The following SH3TC2 variants were observed in gnomAD, a reference collection of about 807,000 sequenced individuals.
SH3TC2 encodes the protein SH3 domain and tetratricopeptide repeat-containing protein 2.
Under a neutral mutation model 124.5 loss-of-function variants are expected in SH3TC2, and 87 were observed. The observed-to-expected ratio is 0.70, with a 90% CI of 0.59 to 0.84. The LOEUF (loss-of-function observed/expected upper bound fraction) is 0.84, where lower values mean the gene tolerates loss of function less well. SH3TC2 is among the 40% of genes least tolerant of loss of function. SH3TC2 has a pLI of 0.00. For synonymous variants in SH3TC2, 634 were observed against 628.5 expected, an observed-to-expected ratio of 1.01 and a Z score of -0.13; for missense variants, 1,536 against 1,566.4, an observed-to-expected ratio of 0.98 and a Z score of 0.33.
At position 149,000,520 on chromosome 5, in the gene SH3TC2, T is replaced by G. The variant is rs1185550309; in HGVS notation, c.*4191A>C. Among the ~76,000 whole-genome samples the G allele has an allele frequency of 6.6e-6, 1 of 152,288 alleles. No homozygotes were observed. The highest frequency in any genetic ancestry group is 1.5e-5 in the Non-Finnish European group (1 of 68,052). ...CTGTTTATGGAAAACAATACAAGTT[T>G]TTCTTCTATATAGACTAGTCATCCC... is the stretch of plus-strand genomic sequence containing the variant. On this transcript the variant is annotated 3_prime_UTR_variant, in exon 17 of 17. Coordinates refer to ENST00000515425, the MANE Select transcript of SH3TC2 (RefSeq NM_024577.4).
In SH3TC2 at chr5:148,988,730, A is replaced by G. The variant is rs1382538060; in HGVS notation, c.*15981T>C. Among the ~76,000 whole-genome samples the G allele has an allele frequency of 6.6e-6, 1 of 152,232 alleles. No individual in the cohort carries two copies. Among genetic ancestry groups the G allele is most frequent in the Non-Finnish European group, 1.5e-5 (1 of 68,048 alleles). On this transcript the variant is annotated 3_prime_UTR_variant, in exon 17 of 17. Transcript: ENST00000515425. ...GACTGCAACAACAGTAGAGAACCCA[A>G]GCGAGAATTGCCCGGGTGAGCCCAG...
chr5:149,008,565 G>T, intron 15 of SH3TC2: 1 of 505,716 alleles, frequency 2.0e-6, no homozygotes, highest in Non-Finnish European at 3.6e-6. Flanking sequence ...ACTTACCAAG[G>T]ACTTACCATG....
intron 14 of SH3TC2, 123 bp downstream of exon 14, chr5:149,010,147 A>G (rs1439434473): frequency 7.2e-7 from 1 of 1,395,696 alleles, no homozygotes; most frequent in African/African-American, 1.4e-5. Flanking sequence ...GCACTGGACA[A>G]GAAAGAGAGA....
chr5:149,060,017 C>G (rs1383474049), intron 1 of SH3TC2, among the ~76,000 whole-genome samples: 1 of 152,144 alleles, frequency 6.6e-6, no homozygotes, highest in Non-Finnish European at 1.5e-5. Flanking sequence ...AAAAGTGAAG[C>G]ATCATTTACT....
In SH3TC2 at chr5:149,056,063, AT is replaced by A. The variant is rs199677573; in HGVS notation, c.53-3824del. On this transcript the variant is annotated intron_variant, in intron 1 of 16. Transcript: ENST00000515425. ...ATGCACAATTCTATATAAATGGTAA[AT>A]TTTTTTTAATCCTCTTAAAGCCTTT... Among the ~76,000 whole-genome samples the A allele has an allele frequency of 2.8e-3, 419 of 152,144 alleles. 1 individual carries two copies. Among genetic ancestry groups the A allele is most frequent in the Non-Finnish European group, 4.8e-3 (328 of 67,986 alleles).
At chr5:149,053,786 T>C (rs1487319191) in intron 1 of SH3TC2, among the ~76,000 whole-genome samples, 1 of 152,136 alleles carries the variant, frequency 6.6e-6, no homozygotes, top group Non-Finnish European at 1.5e-5. Flanking sequence ...CCTATTTGAA[T>C]CATCTAGGTT....
At chr5:149,058,780 A>T (rs111681111) in intron 1 of SH3TC2, among the ~76,000 whole-genome samples, 1 of 152,128 alleles carries the variant, frequency 6.6e-6, no homozygotes, top group Non-Finnish European at 1.5e-5. Context: ...TCAAGATGGC[A>T]GAGCACTTTA....
At position 149,028,410 on chromosome 5, in the gene SH3TC2, A is replaced by G. The variant is rs1172985848; in HGVS notation, c.1322T>C (p.Leu441Pro). ...LLSATSDSYR[L>P]PEPDDLDDPE... is the part of the protein sequence containing the mutation. Reference sequence around the variant, plus strand: ...GTCATCAAGGTCATCAGGCTCCGGCAGGCGATAGCTGTCTGAGGTGGCCGA... The same window carrying G: ...GTCATCAAGGTCATCAGGCTCCGGCGGGCGATAGCTGTCTGAGGTGGCCGA... The change falls in exon 11 of 17, where the codon CTG (leucine) becomes CCG (proline). Residue 441 changes from leucine to proline, a missense_variant. By Grantham distance (98) the Leu-to-Pro change is moderately conservative (BLOSUM62 -3). Coordinates refer to ENST00000515425, the MANE Select transcript of SH3TC2 (RefSeq NM_024577.4). 2.5e-6 allele frequency: 4 copies of G among 1,613,872 alleles called. No homozygotes were observed. Among genetic ancestry groups the G allele is most frequent in the Non-Finnish European group, 2.5e-6 (3 of 1,179,974 alleles).
At position 148,999,015 on chromosome 5, in the gene SH3TC2, G is replaced by A. The variant is rs1164724379; in HGVS notation, c.*5696C>T. ...GATGTGCTTATTAAGAATCTACTCA[G>A]TTCTGCTTCATTGTGACAGCTACCA... On this transcript the variant is annotated 3_prime_UTR_variant, in exon 17 of 17. Transcript: ENST00000515425. 6.6e-6 allele frequency among the ~76,000 whole-genome samples: 1 copy of A among 152,210 alleles called. No individual in the cohort carries two copies. The highest frequency in any genetic ancestry group is 1.5e-5 in the Non-Finnish European group (1 of 68,032).
chr5:149,045,998 T>G (rs1214915673), intron 3 of SH3TC2: 1 of 419,160 alleles, frequency 2.4e-6, no homozygotes, highest in Non-Finnish European at 4.7e-6. Context: ...TGCCCAGACT[T>G]AGTTTTCCCT....
At position 148,990,674 on chromosome 5, in the gene SH3TC2, C is replaced by A. The variant is rs1753406945; in HGVS notation, c.*14037G>T. Reference sequence around the variant, plus strand: ...ATACCACCCTTGAGGTTGTTGTGAACACAGAAAATGAAATCATGCATTCAA... The same window carrying A: ...ATACCACCCTTGAGGTTGTTGTGAAAACAGAAAATGAAATCATGCATTCAA... On this transcript the variant is annotated 3_prime_UTR_variant, in exon 17 of 17. Transcript: ENST00000515425. 6.6e-6 allele frequency among the ~76,000 whole-genome samples: 1 copy of A among 152,122 alleles called. No individual in the cohort carries two copies. The highest frequency in any genetic ancestry group is 1.5e-5 in the Non-Finnish European group (1 of 68,028).
At chr5:149,023,571 A>G (rs1471010046) in intron 12 of SH3TC2, among the ~76,000 whole-genome samples, 1 of 137,698 alleles carries the variant, frequency 7.3e-6, no homozygotes, top group Non-Finnish European at 1.5e-5. Context: ...AACCTTCAAT[A>G]ATAGTGTAAT....
At chr5:149,034,994 T>G (rs1754258764) in intron 8 of SH3TC2, among the ~76,000 whole-genome samples, 1 of 152,144 alleles carries the variant, frequency 6.6e-6, no homozygotes, top group South Asian at 2.1e-4. Context: ...CTGAGAGTAT[T>G]TATAACCCAC....
rs773084406 is a variant in SH3TC2, at chr5:149,026,876, C to T, written c.2856G>A (p.Arg952=). 14 of 1,614,050 alleles carry T rather than the reference C, an allele frequency of 8.7e-6. No individual in the cohort carries two copies. Among genetic ancestry groups the T allele is most frequent in the Admixed American group, 8.3e-5 (5 of 60,014 alleles). ...CYEMALLFGL[R]HRHLKSQLQA... is the part of the protein sequence containing the mutation. The stretch of plus-strand genomic sequence containing the variant: ...CATACTTACTCTTTAGATGTCGATG[C>T]CTTAAGCCAAACAGCAATGCCATTT... Residue 952 remains arginine, a synonymous_variant, in exon 11 of 17, where the codon AGG becomes AGA. Transcript: ENST00000515425.
intron 8 of SH3TC2, among the ~76,000 whole-genome samples, chr5:149,037,151 T>C (rs535224013): frequency 6.6e-6 from 1 of 152,290 alleles, no homozygotes; most frequent in African/African-American, 2.4e-5. Context: ...TCTGGTAACT[T>C]CCTCCAAACT....
intron 1 of SH3TC2, chr5:149,062,304 A>T: frequency 1.9e-6 from 1 of 526,870 alleles, no homozygotes; most frequent in Non-Finnish European, 3.9e-6. Flanking sequence ...TCTGAAAAAA[A>T]GCAAGAAGGT....
At chr5:149,024,310 C>T (rs182212007) in intron 12 of SH3TC2, among the ~76,000 whole-genome samples, 216 of 152,294 alleles carry the variant, frequency 1.4e-3, no homozygotes, top group African/African-American at 4.9e-3. Context: ...AACACACATG[C>T]ACCGTATGTC....
In SH3TC2 at chr5:149,003,849, CAAAAAAAAA is replaced by C; in HGVS notation, c.*853_*861del. On this transcript the variant is annotated 3_prime_UTR_variant, in exon 17 of 17. Coordinates refer to ENST00000515425, the MANE Select transcript of SH3TC2 (RefSeq NM_024577.4). ...CTGGGCAACAGAGGAGAAACTGTCT[CAAAAAAAAA>C]AAAAAAAAAAAAAGACATGTATTGG... 2.8e-4 allele frequency: 47 copies of C among 168,978 alleles called. No homozygotes were observed. The highest frequency in any genetic ancestry group is 4.7e-4 in the South Asian group (11 of 23,270). 10.5% of individuals were successfully genotyped at this position (168,978 alleles called of 1,614,324 possible).
intron 4 of SH3TC2, chr5:149,044,209 A>G (rs995215667): frequency 1.2e-5 from 4 of 347,586 alleles, no homozygotes; most frequent in Non-Finnish European, 2.2e-5. Context: ...AAACACACAC[A>G]CTAGCACCAA....
Sources: allele counts gnomAD v4.1 joint callset (sites outside exome capture counted in the v4.1 genomes callset), GRCh38; gene constraint gnomAD v4.1.1; transcripts MANE v1.5; gene names NCBI Gene and HGNC (gene_info 2026-07-23, HGNC 2026-07-21).